GRID2: variants seen among roughly 807,000 people sequenced by gnomAD.
The protein encoded by GRID2 is glutamate ionotropic receptor delta type subunit 2, also known as glutamate receptor ionotropic, delta-2.
GRID2 carries 33 observed loss-of-function variants against 114.8 expected under a neutral mutation model. The ratio of observed to expected loss-of-function variants is 0.29; its 90% CI spans 0.22 to 0.38. GRID2 has a LOEUF of 0.38. Ranked by LOEUF, GRID2 falls within the 10% of genes least tolerant of loss-of-function variation. The pLI, the probability that GRID2 is intolerant of heterozygous loss-of-function variation, is 1.00. For missense variants in GRID2, 1,184 were observed against 1,257.7 expected (o/e 0.94, Z 0.89); for synonymous variants, 505 against 449.9 (o/e 1.12, Z -1.55).
intron 14 of GRID2, among the ~76,000 whole-genome samples, chr4:93,696,622 T>C (rs1727043346): frequency 6.6e-6 from 1 of 152,348 alleles, no homozygotes; most frequent in South Asian, 2.1e-4. Context: ...GTTACATATG[T>C]ATTGTTTTAA....
At chr4:92,398,030 C>T (rs1179546979) in intron 1 of GRID2, among the ~76,000 whole-genome samples, 1 of 151,996 alleles carries the variant, frequency 6.6e-6, no homozygotes, top group East Asian at 1.9e-4. Context: ...GAGAACTTAC[C>T]TTACAAATAT....
chr4:93,084,949 A>G (rs1560862068), intron 2 of GRID2, 46 bp from the exon 3 acceptor site: 2 of 1,515,186 alleles, frequency 1.3e-6, no homozygotes, highest in African/African-American at 1.4e-5. Context: ...AGGGAAAACT[A>G]TGTGAAACCC....
chr4:92,592,685 C>T (rs1728759814), intron 2 of GRID2, among the ~76,000 whole-genome samples: 1 of 152,046 alleles, frequency 6.6e-6, no homozygotes, highest in Admixed American at 6.6e-5. Context: ...AGGATGTTCT[C>T]CACCAGTTAT....
intron 10 of GRID2, among the ~76,000 whole-genome samples, chr4:93,452,263 T>A (rs1008182537): frequency 6.6e-6 from 1 of 152,144 alleles, no homozygotes; most frequent in African/African-American, 2.4e-5. Flanking sequence ...CCTGATTAGA[T>A]GAGCTTTGAA....
chr4:93,695,038 G>A (rs1252731513), intron 14 of GRID2, among the ~76,000 whole-genome samples: 1 of 152,024 alleles, frequency 6.6e-6, no homozygotes, highest in African/African-American at 2.4e-5. Context: ...CGGCATGGTG[G>A]CGGGCGCCAT....
At chr4:92,624,757 T>G (rs977599957) in intron 2 of GRID2, among the ~76,000 whole-genome samples, 1 of 151,814 alleles carries the variant, frequency 6.6e-6, no homozygotes, top group African/African-American at 2.4e-5. Flanking sequence ...AGAGAATATT[T>G]TCACCTTTCA....
intron 2 of GRID2, among the ~76,000 whole-genome samples, chr4:93,046,354 T>G (rs1726134645): frequency 6.6e-6 from 1 of 152,114 alleles, no homozygotes; most frequent in Non-Finnish European, 1.5e-5. Flanking sequence ...CCACTGAATT[T>G]CTTTTAAAGT....
chr4:93,412,881 A>G (rs1767344533), intron 9 of GRID2, among the ~76,000 whole-genome samples: 1 of 152,156 alleles, frequency 6.6e-6, no homozygotes. Flanking sequence ...TTTGCTGAGA[A>G]TGATGGCTTC....
chr4:92,760,237 C>CAAAAA (rs982301426), intron 2 of GRID2, among the ~76,000 whole-genome samples: 446 of 35,162 alleles, frequency 0.013, no homozygotes, highest in Non-Finnish European at 0.018. Flanking sequence ...GACTCTGTCT[C>CAAAAA]AAAAAAAAAA....
At chr4:93,312,394 C>T (rs182795137) in intron 8 of GRID2, among the ~76,000 whole-genome samples, 77 of 152,258 alleles carry the variant, frequency 5.1e-4, no homozygotes, top group African/African-American at 1.8e-3. Flanking sequence ...ACTAAATTTC[C>T]TCCAGACATA....
At chr4:92,805,239 T>TTC (rs376247479) in intron 2 of GRID2, among the ~76,000 whole-genome samples, 45 of 150,830 alleles carry the variant, frequency 3.0e-4, no homozygotes, top group African/African-American at 8.5e-4. Context: ...TTTGATACTT[T>TTC]TCTCTCTCTC....
intron 8 of GRID2, among the ~76,000 whole-genome samples, chr4:93,239,833 G>A (rs1747273152): frequency 6.6e-6 from 1 of 151,496 alleles, no homozygotes; most frequent in Non-Finnish European, 1.5e-5. Context: ...TTTAAAATAT[G>A]TTTTTATCAC....
intron 8 of GRID2, among the ~76,000 whole-genome samples, chr4:93,295,847 C>T (rs1023736024): frequency 6.6e-6 from 1 of 152,182 alleles, no homozygotes; most frequent in Admixed American, 6.5e-5. Flanking sequence ...CTGACCATCA[C>T]ACCAACTAAA....
chr4:93,194,432 T>C (rs1186854083), intron 4 of GRID2, among the ~76,000 whole-genome samples: 1 of 152,192 alleles, frequency 6.6e-6, no homozygotes, highest in Admixed American at 6.5e-5. Flanking sequence ...GAAAATATAG[T>C]ATTTTTTTCT....
At chr4:93,795,548 T>G (rs1734779698) in intron 1 of GRID2, among the ~76,000 whole-genome samples, 1 of 152,142 alleles carries the variant, frequency 6.6e-6, no homozygotes, top group Non-Finnish European at 1.5e-5. Flanking sequence ...ATAAATAAAT[T>G]TATTGAAATA....
intron 14 of GRID2, among the ~76,000 whole-genome samples, chr4:93,688,131 A>T (rs1197711624): frequency 1.3e-5 from 2 of 151,972 alleles, no homozygotes; most frequent in South Asian, 2.1e-4. Context: ...ACAGCTGAGA[A>T]TGAGGGGATA....
chr4:93,270,771 G>A (rs1312786975), intron 8 of GRID2, among the ~76,000 whole-genome samples: 1 of 152,044 alleles, frequency 6.6e-6, no homozygotes, highest in Non-Finnish European at 1.5e-5. Flanking sequence ...TGGAATTACA[G>A]ATGCCCATCA....
intron 1 of GRID2, among the ~76,000 whole-genome samples, chr4:92,486,667 A>AT (rs1722913089): frequency 6.6e-6 from 1 of 151,942 alleles, no homozygotes; most frequent in Non-Finnish European, 1.5e-5. Context: ...ATGGAGGAAA[A>AT]TACTTGCAAA....
intron 2 of GRID2, among the ~76,000 whole-genome samples, chr4:92,658,753 G>A (rs1732366383): frequency 6.8e-6 from 1 of 148,110 alleles, no homozygotes; most frequent in African/African-American, 2.5e-5. Flanking sequence ...GCTTAATTTT[G>A]AACTACAATG....
Sources: gnomAD v4.1 joint callset for allele counts (sites outside exome capture counted in the v4.1 genomes callset) on GRCh38, gnomAD v4.1.1 for gene constraint, MANE v1.5 for transcripts, NCBI Gene and HGNC (gene_info 2026-07-23, HGNC 2026-07-21) for gene names.